SLC28A3: variants seen among roughly 807,000 people sequenced by gnomAD.
The protein encoded by SLC28A3 is concentrative Na(+)-nucleoside cotransporter 3.
Under a neutral mutation model 84.2 loss-of-function variants are expected in SLC28A3, and 68 were observed. The observed-to-expected ratio is 0.81, with a 90% CI of 0.66 to 0.99. The LOEUF is 0.99. Among genes scored for constraint, SLC28A3 ranks in the 50% least tolerant of loss-of-function variants. The probability of loss-of-function intolerance (pLI) is 0.00; values close to 1 mark genes in which losing one functional copy is unlikely to be tolerated. For missense variants in SLC28A3, 712 were observed against 841.5 expected (o/e 0.85, Z 1.90); for synonymous variants, 267 against 303.6 (o/e 0.88, Z 1.25).
At chr9:84,340,161 C>T (rs893634339) in intron 1 of SLC28A3, among the ~76,000 whole-genome samples, 18 of 152,128 alleles carry the variant, frequency 1.2e-4, no homozygotes, top group African/African-American at 2.2e-4. Context: ...GGGCAGGTAC[C>T]GGGGCCATCT....
chr9:84,310,105 C>T (rs889598414), intron 2 of SLC28A3, among the ~76,000 whole-genome samples: 4 of 152,170 alleles, frequency 2.6e-5, no homozygotes, highest in East Asian at 1.9e-4. Flanking sequence ...CTGCCAGCCC[C>T]GGTTTCCAAA....
At chr9:84,297,646 A>C (rs1292316868) in intron 7 of SLC28A3, among the ~76,000 whole-genome samples, 1 of 152,178 alleles carries the variant, frequency 6.6e-6, no homozygotes, top group Non-Finnish European at 1.5e-5. Flanking sequence ...AACATCTAAG[A>C]AGTATGATAG....
intron 10 of SLC28A3, among the ~76,000 whole-genome samples, chr9:84,290,832 A>AAAACAAACAAACAAAC (rs59932389): frequency 1.3e-3 from 191 of 150,932 alleles, no homozygotes; most frequent in African/African-American, 4.5e-3. Context: ...ACAAGCATTA[A>AAAACAAACAAACAAAC]AAACAAACAA....
intron 4 of SLC28A3, among the ~76,000 whole-genome samples, chr9:84,303,642 G>T (rs1049817270): frequency 8.6e-5 from 13 of 151,988 alleles, no homozygotes; most frequent in Non-Finnish European, 1.2e-4. Context: ...TGACGTGACA[G>T]CTCACCAGTT....
At position 84,278,659 on chromosome 9, in the gene SLC28A3, G is replaced by T. The variant is rs80198648; in HGVS notation, c.1950-315C>A. ...TTTGCAAATTAAAACTGTACAGGGTGGGGGTGGCTGGCATGGGTCACTGGT... is the reference window on the plus strand; with the variant it reads ...TTTGCAAATTAAAACTGTACAGGGTTGGGGTGGCTGGCATGGGTCACTGGT... On this transcript the variant is annotated intron_variant, in intron 17 of 17. Transcript: ENST00000376238. 6.6e-5 allele frequency among the ~76,000 whole-genome samples: 10 copies of T among 152,236 alleles called. No homozygotes were observed. The South Asian group carries it at 2.1e-3, about 32-fold the overall frequency.
chr9:84,353,147 A>T, the SLC28A3 span, among the ~76,000 whole-genome samples: 3 of 152,204 alleles, frequency 2.0e-5, no homozygotes, highest in Non-Finnish European at 4.4e-5. Context: ...GACATTATAA[A>T]AAAAAGAATT....
intron 3 of SLC28A3, among the ~76,000 whole-genome samples, chr9:84,307,608 G>A (rs79751941): frequency 1.1e-4 from 17 of 152,218 alleles, no homozygotes; most frequent in African/African-American, 3.6e-4. Context: ...AAAATATTGG[G>A]TGAATAAAAG....
chr9:84,296,255 G>T (rs773943377), intron 8 of SLC28A3, among the ~76,000 whole-genome samples: 6 of 152,212 alleles, frequency 3.9e-5, no homozygotes, highest in Admixed American at 1.3e-4. Context: ...TAAACTGCCA[G>T]GTAGAGGTTG....
In SLC28A3 at chr9:84,278,253, T is replaced by G. The variant is rs765550441; in HGVS notation, c.2041A>C (p.Thr681Pro). 1.2e-6 allele frequency: 2 copies of G among 1,613,892 alleles called. No individual in the cohort carries two copies. Among genetic ancestry groups the G allele is most frequent in the East Asian group, 2.2e-5 (1 of 44,852 alleles). ...TTAGAGATCCCATTGCAGTTAAAGG[T>G]CGATGGATTCAACAATGTGCAGCAG... ...KGCCTLLNPS[T>P]FNCNGISNTF The change falls in exon 18 of 18, where the codon ACC (threonine) becomes CCC (proline). Residue 681 changes from threonine to proline, a missense_variant. Coordinates refer to ENST00000376238, the MANE Select transcript of SLC28A3 (RefSeq NM_001199633.2).
At chr9:84,353,535 C>G in the SLC28A3 span, among the ~76,000 whole-genome samples, 1 of 152,142 alleles carries the variant, frequency 6.6e-6, no homozygotes, top group African/African-American at 2.4e-5. Context: ...CATGGTGAAA[C>G]CCCATCTCTA....
intron 4 of SLC28A3, among the ~76,000 whole-genome samples, chr9:84,303,689 T>G (rs1398811710): frequency 3.9e-5 from 6 of 152,170 alleles, no homozygotes. Context: ...GACCGCTGAC[T>G]CTGGAGTGGT....
chr9:84,344,185 G>GTTTTTT (rs762125676), upstream of SLC28A3, among the ~76,000 whole-genome samples: 3 of 118,006 alleles, frequency 2.5e-5, no homozygotes, highest in African/African-American at 3.5e-5. Context: ...CATCATATGG[G>GTTTTTT]TTTTTTTTTT....
chr9:84,318,945 A>G (rs534046165), intron 1 of SLC28A3, among the ~76,000 whole-genome samples: 9 of 152,336 alleles, frequency 5.9e-5, no homozygotes, highest in African/African-American at 2.2e-4. Flanking sequence ...GAAGCCATAC[A>G]AATGATAAAC....
At chr9:84,334,512 G>A (rs555078442) in intron 1 of SLC28A3, among the ~76,000 whole-genome samples, 22 of 152,280 alleles carry the variant, frequency 1.4e-4, no homozygotes, top group Non-Finnish European at 2.2e-4. Context: ...GATGAAATGT[G>A]TAGGGCTGGA....
Position 84,294,220 on chromosome 9 carries a change from C to A in SLC28A3, c.917G>T (p.Gly306Val). Reference protein sequence around the residue: ...STVMSMLYYLGLMQWIIRKVG... With the variant: ...STVMSMLYYLVLMQWIIRKVG... ...CTTTCTAATAATCCACTGCATCAGT[C>A]CCAGGTAGTACAGCATGGACATCAC... The change falls in exon 9 of 18, where the codon GGA (glycine) becomes GTA (valine). Residue 306 changes from glycine to valine, a missense_variant. Transcript: ENST00000376238. The A allele has an allele frequency of 6.2e-7, 1 of 1,614,092 alleles. No homozygotes were observed. The highest frequency in any genetic ancestry group is 2.2e-5 in the East Asian group (1 of 44,882).
rs990878977 is a variant in SLC28A3 at position 84,277,339 on chromosome 9, G to A, written c.*879C>T. 1.3e-5 allele frequency: 2 copies of A among 152,266 alleles called. No individual in the cohort carries two copies. The highest frequency in any genetic ancestry group is 6.5e-5 in the Admixed American group (1 of 15,288). The allele number at this position is 152,266 out of a possible 1,614,324, so 9.4% of individuals were successfully genotyped here. A position where few individuals can be genotyped will look rare whatever the true frequency, so the allele number is the denominator to read the frequency against. On this transcript the variant is annotated 3_prime_UTR_variant, in exon 18 of 18. Coordinates refer to ENST00000376238, the MANE Select transcript of SLC28A3 (RefSeq NM_001199633.2). Reference sequence around the variant, plus strand: ...ATTTAACTGTGGTGACTGACATCGTGCCTGTCACAGGACTTGTTTTGGCTA... The same window carrying A: ...ATTTAACTGTGGTGACTGACATCGTACCTGTCACAGGACTTGTTTTGGCTA...
At position 84,280,306 on chromosome 9, in the gene SLC28A3, C is replaced by T. The variant is rs555239379; in HGVS notation, c.1730-233G>A. On this transcript the variant is annotated intron_variant, in intron 15 of 17. Coordinates refer to ENST00000376238, the MANE Select transcript of SLC28A3 (RefSeq NM_001199633.2). ...TTGTTTGCCAAAAGGCTCAAAGGCT[C>T]ATTCTCCACAGAAGAAAAACCTCCT... 7.8e-4 allele frequency among the ~76,000 whole-genome samples: 118 copies of T among 152,214 alleles called. No individual in the cohort carries two copies. In the Middle Eastern group the frequency reaches 0.024, roughly 31 times the overall value.
Position 84,302,186 on chromosome 9 carries a change from C to G in SLC28A3, c.524+14G>C. ...ATCTCTCTTAACTGAAATAAGAGAA[C>G]CAATTGCATTTACCACTTCAGCCAG... On this transcript the variant is annotated intron_variant, in intron 5 of 17. Coordinates refer to ENST00000376238, the MANE Select transcript of SLC28A3 (RefSeq NM_001199633.2). The G allele has an allele frequency of 8.1e-6, 13 of 1,610,596 alleles. No homozygotes were observed. Among genetic ancestry groups the G allele is most frequent in the Non-Finnish European group, 1.0e-5 (12 of 1,178,236 alleles).
chr9:84,292,559 C>T (rs1325785282), intron 10 of SLC28A3, 109 bp downstream of exon 10: 2 of 801,384 alleles, frequency 2.5e-6, no homozygotes, highest in Non-Finnish European at 3.8e-6. Flanking sequence ...CTTATTTTGA[C>T]ACCATTTTCT....
Sources: gnomAD v4.1 joint callset for allele counts (sites outside exome capture counted in the v4.1 genomes callset) on GRCh38, gnomAD v4.1.1 for gene constraint, MANE v1.5 for transcripts, NCBI Gene and HGNC (gene_info 2026-07-23, HGNC 2026-07-21) for gene names.